Variants in IQSEC1 observed in about 807,000 individuals in gnomAD.
The protein encoded by IQSEC1 is IQ motif and SEC7 domain-containing protein 1.
In IQSEC1, 31 loss-of-function variants were observed where a neutral mutation model predicts 91.0. The observed-to-expected ratio is 0.34, with a 90% CI of 0.26 to 0.46. The LOEUF (loss-of-function observed/expected upper bound fraction) is 0.46, where lower values mean the gene tolerates loss of function less well. IQSEC1 is among the 20% of genes least tolerant of loss of function. The pLI, the probability that IQSEC1 is intolerant of heterozygous loss-of-function variation, is 1.00. For synonymous variants in IQSEC1, 699 were observed against 662.6 expected (o/e 1.05, Z -0.84); for missense variants, 1,388 against 1,575.6 (o/e 0.88, Z 2.02).
chr3:12,909,358 G>A lies in IQSEC1; in HGVS notation c.2493C>T (p.Pro831=). 2 of 1,614,216 alleles carry A rather than the reference G, an allele frequency of 1.2e-6. No individual in the cohort carries two copies. Among genetic ancestry groups the A allele is most frequent in the Non-Finnish European group, 1.7e-6 (2 of 1,180,022 alleles). Residue 831 remains proline (P), a synonymous_variant, in exon 11 of 14, where the codon CCC becomes CCT. Transcript: ENST00000613206. The surrounding 1 kb of genome is among the most constrained non-coding windows in gnomAD (Gnocchi z 4.9). The part of the protein sequence containing the change: ...DIKVLINFNA[P]NPQDRKKFTD... ...TGAATTTCTTCCGGTCTTGAGGGTT[G>A]GGGGCGTTGAAGTTTATTAACACTT...
intron 12 of IQSEC1, among the ~76,000 whole-genome samples, chr3:12,904,003 A>AG (rs57071981): frequency 0.078 from 11,899 of 152,194 alleles, 1,553 homozygotes; most frequent in African/African-American, 0.27. Flanking sequence ...GCTGGACCCT[A>AG]GGCCGGGTTG....
intron 1 of IQSEC1, among the ~76,000 whole-genome samples, chr3:13,016,107 A>T (rs1576169228): frequency 6.6e-6 from 1 of 152,156 alleles, no homozygotes; most frequent in Non-Finnish European, 1.5e-5. Context: ...GGGTGGTGCC[A>T]GGGTAGGGTG....
At chr3:13,177,678 C>T (rs75317084) in intron 1 of IQSEC1, among the ~76,000 whole-genome samples, 26 of 152,322 alleles carry the variant, frequency 1.7e-4, no homozygotes, top group African/African-American at 4.6e-4. Context: ...GTGGGTCCCC[C>T]GCCGGGCCTT....
intron 3 of IQSEC1, among the ~76,000 whole-genome samples, chr3:12,929,090 C>A (rs182339932): frequency 6.6e-6 from 1 of 152,210 alleles, no homozygotes; most frequent in Non-Finnish European, 1.5e-5. Context: ...AGGGGCATGG[C>A]TGGGAGAGTC....
chr3:13,092,928 C>G (rs528484749), intron 2 of IQSEC1, among the ~76,000 whole-genome samples: 52 of 152,296 alleles, frequency 3.4e-4, no homozygotes, highest in African/African-American at 1.0e-3. Context: ...ACTCTTCCCC[C>G]TCCCGTAGCC....
At chr3:13,182,775 G>T (rs1348258651) in intron 1 of IQSEC1, among the ~76,000 whole-genome samples, 2 of 152,202 alleles carry the variant, frequency 1.3e-5, no homozygotes, top group African/African-American at 4.8e-5. Flanking sequence ...CAAAATATGT[G>T]AGCTGCAGCT....
intron 1 of IQSEC1, among the ~76,000 whole-genome samples, chr3:13,234,452 G>A (rs1694890479): frequency 6.6e-6 from 1 of 152,212 alleles, no homozygotes; most frequent in Non-Finnish European, 1.5e-5. Flanking sequence ...CACCTCTCCA[G>A]CAGGAAGCCT....
chr3:12,906,265 G>A (rs571474616), intron 12 of IQSEC1, among the ~76,000 whole-genome samples: 3 of 152,330 alleles, frequency 2.0e-5, no homozygotes, highest in South Asian at 2.1e-4. Flanking sequence ...CAAGCTCATC[G>A]TGGTGTTTCA....
At chr3:13,097,846 G>A (rs1705990909) in intron 2 of IQSEC1, among the ~76,000 whole-genome samples, 1 of 152,242 alleles carries the variant, frequency 6.6e-6, no homozygotes, top group African/African-American at 2.4e-5. Context: ...ACTGGGGAAG[G>A]CTGGAGCCTG....
At chr3:13,030,964 C>G (rs188754232) in intron 1 of IQSEC1, among the ~76,000 whole-genome samples, 1 of 152,336 alleles carries the variant, frequency 6.6e-6, no homozygotes, top group East Asian at 1.9e-4. Context: ...CAAAATAATA[C>G]GTTGGTTGGA....
intron 1 of IQSEC1, among the ~76,000 whole-genome samples, chr3:13,231,142 C>T (rs1694832481): frequency 6.6e-6 from 1 of 152,172 alleles, no homozygotes; most frequent in African/African-American, 2.4e-5. Context: ...CTTAGGACCT[C>T]AAAGTAGATC....
chr3:13,077,905 G>A (rs1406566199), upstream of IQSEC1, among the ~76,000 whole-genome samples: 1 of 152,208 alleles, frequency 6.6e-6, no homozygotes, highest in African/African-American at 2.4e-5. Flanking sequence ...ACTGCTTCTC[G>A]ATGCTATTTT....
intron 2 of IQSEC1, among the ~76,000 whole-genome samples, chr3:13,102,886 A>G (rs372123046): frequency 2.1e-4 from 32 of 152,324 alleles, no homozygotes; most frequent in African/African-American, 7.2e-4. Flanking sequence ...TACTGCATTT[A>G]GTCCTTACAA....
chr3:12,906,658 C>T (rs1014513712), intron 12 of IQSEC1, among the ~76,000 whole-genome samples: 3 of 152,184 alleles, frequency 2.0e-5, no homozygotes, highest in South Asian at 2.1e-4. Context: ...AGCAGCTGGC[C>T]GTGGGCCCAC....
Position 12,901,032 on chromosome 3 carries a change from G to T in IQSEC1, c.3296C>A (p.Pro1099His), listed in dbSNP as rs936071985. 1.0e-5 allele frequency: 16 copies of T among 1,543,896 alleles called. No individual in the cohort carries two copies. The highest frequency in any genetic ancestry group is 1.4e-5 in the African/African-American group (1 of 73,024). Reference sequence around the variant, plus strand: ...GGGTTTGGCCTTGCTGCTGGTGGGGGGCGGCGGGGCAGGGGGCTGCCCATG... The same window carrying T: ...GGGTTTGGCCTTGCTGCTGGTGGGGTGCGGCGGGGCAGGGGGCTGCCCATG... ...HHHGQPPAPPPPTSSKAKPSG... is the reference protein window; with the variant it reads ...HHHGQPPAPPHPTSSKAKPSG... Residue 1099 changes from proline (P) to histidine (H), a missense_variant, in exon 14 of 14, where the codon CCC (proline) becomes CAC (histidine). This residue lies in a region of IQSEC1 where 329 missense variants were observed against 257.8 expected (regional missense o/e 1.28). Coordinates refer to ENST00000613206, the MANE Select transcript of IQSEC1 (RefSeq NM_001134382.3).
rs1366295409 is a variant in IQSEC1 at position 13,073,238 on chromosome 3, G to C, written c.-224C>G. 2 of 598,526 alleles carry C rather than the reference G, an allele frequency of 3.3e-6. No homozygotes were observed. 37.1% of individuals were successfully genotyped at this position (598,526 alleles called of 1,614,324 possible). A position where few individuals can be genotyped will look rare whatever the true frequency, so the allele number is the denominator to read the frequency against. Reference sequence around the variant, plus strand: ...TGGAGGGCCCTGGCACGTAGCGCGCGCTCACACCGTGCCCAGGAGCGAGCG... The same window carrying C: ...TGGAGGGCCCTGGCACGTAGCGCGCCCTCACACCGTGCCCAGGAGCGAGCG... On this transcript the variant is annotated 5_prime_UTR_variant, in exon 1 of 14. Transcript: ENST00000613206.
At chr3:13,095,702 A>G (rs1169442096) in intron 2 of IQSEC1, among the ~76,000 whole-genome samples, 4 of 152,094 alleles carry the variant, frequency 2.6e-5, no homozygotes, top group African/African-American at 9.7e-5. Flanking sequence ...GTCCTTCCTC[A>G]GAGGATGCTG....
chr3:12,914,740 G>C (rs1695907428), intron 8 of IQSEC1, among the ~76,000 whole-genome samples: 1 of 152,138 alleles, frequency 6.6e-6, no homozygotes, highest in Admixed American at 6.5e-5. Flanking sequence ...GGGGTGAGGA[G>C]GCAGGCACTG....
At chr3:13,210,599 G>A (rs1050437487) in intron 1 of IQSEC1, among the ~76,000 whole-genome samples, 11 of 152,132 alleles carry the variant, frequency 7.2e-5, no homozygotes, top group African/African-American at 1.7e-4. Flanking sequence ...CCCAATCTAC[G>A]CAGATAAAGC....
Sources: allele counts gnomAD v4.1 joint callset (sites outside exome capture counted in the v4.1 genomes callset), GRCh38; gene constraint gnomAD v4.1.1; regional missense constraint gnomAD v4.1.1; non-coding constraint Gnocchi (gnomAD v3.1); transcripts MANE v1.5; gene names NCBI Gene and HGNC (gene_info 2026-07-23, HGNC 2026-07-21).